OSBPL6: variants seen among roughly 807,000 people sequenced by gnomAD.
The protein encoded by OSBPL6 is oxysterol binding protein like 6, also known as oxysterol-binding protein-related protein 6.
In OSBPL6, 49 loss-of-function variants were observed where a neutral mutation model predicts 125.8. That is an observed-to-expected ratio of 0.39 (90% CI 0.31 to 0.49). The LOEUF (loss-of-function observed/expected upper bound fraction) is 0.49, where lower values mean the gene tolerates loss of function less well. OSBPL6 is among the 20% of genes least tolerant of loss of function. OSBPL6 has a pLI of 0.88. For missense variants in OSBPL6, 986 were observed against 1,135.4 expected (o/e 0.87, Z 1.89); for synonymous variants, 394 against 391.8 (o/e 1.01, Z -0.07).
chr2:178,361,058 AG>A (rs565157651), intron 12 of OSBPL6, among the ~76,000 whole-genome samples: 117 of 152,278 alleles, frequency 7.7e-4, no homozygotes, highest in South Asian at 3.1e-3. Context: ...GGAAATGGGG[AG>A]GGGGTGTTGT....
At chr2:178,197,307 A>G (rs1039722468) in intron 1 of OSBPL6, among the ~76,000 whole-genome samples, 2 of 152,250 alleles carry the variant, frequency 1.3e-5, no homozygotes. Flanking sequence ...TTTAGAAAGC[A>G]AGAGAATGAT....
At chr2:178,295,794 A>G (rs199825826) in intron 2 of OSBPL6, among the ~76,000 whole-genome samples, 10 of 151,994 alleles carry the variant, frequency 6.6e-5, no homozygotes, top group African/African-American at 1.7e-4. Flanking sequence ...AAGATTAATT[A>G]TAATAAAAAA....
At chr2:178,256,169 A>G (rs2091882023) in intron 1 of OSBPL6, among the ~76,000 whole-genome samples, 2 of 152,218 alleles carry the variant, frequency 1.3e-5, no homozygotes, top group African/African-American at 4.8e-5. Context: ...ATTAGAACAA[A>G]AAACAAGTTG....
At chr2:178,236,298 T>G (rs2091049536) in intron 1 of OSBPL6, among the ~76,000 whole-genome samples, 1 of 152,224 alleles carries the variant, frequency 6.6e-6, no homozygotes, top group African/African-American at 2.4e-5. Flanking sequence ...TAGAGTTCAG[T>G]AGCCAAGAAA....
chr2:178,307,906 C>T (rs992617734), intron 3 of OSBPL6, among the ~76,000 whole-genome samples: 11 of 152,026 alleles, frequency 7.2e-5, no homozygotes, highest in African/African-American at 2.4e-4. Flanking sequence ...AGGACGGGCA[C>T]GCAAAGCAAT....
intron 9 of OSBPL6, 133 bp downstream of exon 9, chr2:178,336,566 T>TC: frequency 1.0e-6 from 1 of 1,003,470 alleles, no homozygotes; most frequent in Non-Finnish European, 1.4e-6. Flanking sequence ...TTGCTCTTTC[T>TC]CCCCCTTGTT....
In OSBPL6 at chr2:178,395,772, TAAAAAAAAA is replaced by T. The variant is rs746653123; in HGVS notation, c.*233_*241del. 54 of 243,356 alleles carry T rather than the reference TAAAAAAAAA, an allele frequency of 2.2e-4. No individual in the cohort carries two copies. Among genetic ancestry groups the T allele is most frequent in the African/African-American group, 4.1e-4 (9 of 21,968 alleles). 15.1% of individuals were successfully genotyped at this position (243,356 alleles called of 1,614,324 possible). A position where few individuals can be genotyped will look rare whatever the true frequency, so the allele number is the denominator to read the frequency against. ...TCTGTTTTGCTGCAACCATATTCCT[TAAAAAAAAA>T]AAAAAAAAAAAAAAAAAAATCCACA... On this transcript the variant is annotated 3_prime_UTR_variant, in exon 25 of 25. Transcript: ENST00000190611.
rs965839294 is a variant in OSBPL6, at chr2:178,402,829, G to A, written c.*7270G>A. 11 of 152,270 alleles carry A rather than the reference G, an allele frequency of 7.2e-5. No homozygotes were observed. Among genetic ancestry groups the A allele is most frequent in the African/African-American group, 2.2e-4 (9 of 41,562 alleles). The allele number at this position is 152,270 out of a possible 1,614,324, so 9.4% of individuals were successfully genotyped here. On this transcript the variant is annotated 3_prime_UTR_variant, in exon 25 of 25. Transcript: ENST00000190611. ...TAAGAATTGTGCCTCTTCAATGAAT[G>A]TTGTATATGAGAATGTTACATTTGT...
At chr2:178,281,193 A>G (rs931945537) in intron 1 of OSBPL6, among the ~76,000 whole-genome samples, 2 of 151,804 alleles carry the variant, frequency 1.3e-5, no homozygotes, top group African/African-American at 4.8e-5. Flanking sequence ...TGTATTTTTT[A>G]GTAGAGACAG....
At chr2:178,390,772 T>C (rs1697940947) in intron 21 of OSBPL6, among the ~76,000 whole-genome samples, 1 of 152,134 alleles carries the variant, frequency 6.6e-6, no homozygotes. Context: ...AGAGGAAAAT[T>C]CAAAACAAGA....
intron 1 of OSBPL6, among the ~76,000 whole-genome samples, chr2:178,259,430 G>A (rs2091986849): frequency 6.6e-6 from 1 of 152,092 alleles, no homozygotes; most frequent in African/African-American, 2.4e-5. Flanking sequence ...TTAAGTAGAA[G>A]AGAAATGATC....
intron 1 of OSBPL6, among the ~76,000 whole-genome samples, chr2:178,267,883 T>G (rs2092283645): frequency 6.6e-6 from 1 of 151,700 alleles, no homozygotes. Context: ...TGAATGACGC[T>G]ATCAGTGGAG....
At position 178,399,217 on chromosome 2, in the gene OSBPL6, G is replaced by T. The variant is rs1696022265; in HGVS notation, c.*3658G>T. The T allele has an allele frequency of 6.6e-6, 1 of 152,196 alleles. No homozygotes were observed. The highest frequency in any genetic ancestry group is 2.1e-4 in the South Asian group (1 of 4,828). 9.4% of individuals were successfully genotyped at this position (152,196 alleles called of 1,614,324 possible). A position where few individuals can be genotyped will look rare whatever the true frequency, so the allele number is the denominator to read the frequency against. ...CTCTAGAAATGTTCTTTTGGGGAAA[G>T]ATGGAAAGAAATGTATAAATGGAGT... On this transcript the variant is annotated 3_prime_UTR_variant, in exon 25 of 25. Transcript: ENST00000190611.
intron 1 of OSBPL6, among the ~76,000 whole-genome samples, chr2:178,226,288 C>T (rs564713561): frequency 2.9e-5 from 4 of 140,050 alleles, no homozygotes; most frequent in Non-Finnish European, 6.7e-5. Flanking sequence ...GTGGTGCAGT[C>T]ACCTTCCATG....
intron 1 of OSBPL6, among the ~76,000 whole-genome samples, chr2:178,226,605 G>A (rs1326822370): frequency 6.6e-6 from 1 of 152,170 alleles, no homozygotes; most frequent in South Asian, 2.1e-4. Flanking sequence ...TAGAACTTTG[G>A]TGTATGTCGG....
At chr2:178,207,898 A>T (rs892834307) in intron 1 of OSBPL6, among the ~76,000 whole-genome samples, 4 of 152,248 alleles carry the variant, frequency 2.6e-5, no homozygotes, top group Admixed American at 2.6e-4. Context: ...TTCTCTCTGA[A>T]CTATTTGATG....
At chr2:178,301,834 A>G (rs992786743) in intron 2 of OSBPL6, among the ~76,000 whole-genome samples, 6 of 152,284 alleles carry the variant, frequency 3.9e-5, no homozygotes, top group African/African-American at 1.4e-4. Flanking sequence ...GCCTGGAATG[A>G]AGAGCACTCA....
At chr2:178,353,826 T>C (rs1313873493) in intron 12 of OSBPL6, among the ~76,000 whole-genome samples, 1 of 152,088 alleles carries the variant, frequency 6.6e-6, no homozygotes, top group Non-Finnish European at 1.5e-5. Context: ...GGAAAAAATA[T>C]TAAGGGCAGC....
Position 178,382,596 on chromosome 2 carries a change from C to G in OSBPL6, c.1621+89C>G, listed in dbSNP as rs754263682. ...ATGAACAGGCATTCCCCCTCCCACG[C>G]CACCCCCACCCCTGCTAATTGTTCT... On this transcript the variant is annotated intron_variant, in intron 16 of 24. Coordinates refer to ENST00000190611, the MANE Select transcript of OSBPL6 (RefSeq NM_032523.4). 5.8e-6 allele frequency: 9 copies of G among 1,545,044 alleles called. No individual in the cohort carries two copies. The Admixed American group carries it at 1.7e-4, about 29-fold the overall frequency.
Sources: allele counts gnomAD v4.1 joint callset (sites outside exome capture counted in the v4.1 genomes callset), GRCh38; gene constraint gnomAD v4.1.1; transcripts MANE v1.5; gene names NCBI Gene and HGNC (gene_info 2026-07-23, HGNC 2026-07-21).